PRTFDC1: variants seen among roughly 807,000 people sequenced by gnomAD.
The protein encoded by PRTFDC1 is phosphoribosyl transferase domain containing 1, also known as phosphoribosyltransferase domain-containing protein 1.
PRTFDC1 carries 38 observed loss-of-function variants against 34.6 expected under a neutral mutation model. The observed-to-expected ratio is 1.10, with a 90% CI of 0.85 to 1.44. PRTFDC1 has a LOEUF of 1.44. Ranked by LOEUF, PRTFDC1 falls within the 40% of genes most tolerant of loss-of-function variation. The pLI is 0.00. For synonymous variants in PRTFDC1, 93 were observed against 98.1 expected, an observed-to-expected ratio of 0.95 and a Z score of 0.31; for missense variants, 270 against 283.0, an observed-to-expected ratio of 0.95 and a Z score of 0.33.
At chr10:24,926,474 G>C (rs1848876598) in intron 3 of PRTFDC1, among the ~76,000 whole-genome samples, 1 of 152,032 alleles carries the variant, frequency 6.6e-6, no homozygotes, top group Non-Finnish European at 1.5e-5. Flanking sequence ...CCAGCCTCCT[G>C]AGTAGCTGGG....
chr10:24,874,752 C>T (rs1415972405), intron 3 of PRTFDC1, among the ~76,000 whole-genome samples: 1 of 151,958 alleles, frequency 6.6e-6, no homozygotes, highest in Admixed American at 6.6e-5. Context: ...TTTAATTGAC[C>T]AACAATTACT....
intron 4 of PRTFDC1, among the ~76,000 whole-genome samples, chr10:24,859,673 T>C (rs1402813590): frequency 6.6e-6 from 1 of 152,180 alleles, no homozygotes; most frequent in Non-Finnish European, 1.5e-5. Flanking sequence ...AATTACCCAG[T>C]CTCAGGTATT....
intron 3 of PRTFDC1, among the ~76,000 whole-genome samples, chr10:24,905,512 G>A (rs1444937570): frequency 2.0e-5 from 3 of 151,900 alleles, no homozygotes; most frequent in African/African-American, 7.3e-5. Context: ...AGTAGAGACA[G>A]GGTTTTGCCA....
chr10:24,867,804 T>TTA (rs1847808092), intron 4 of PRTFDC1: 1 of 87,272 alleles, frequency 1.1e-5, no homozygotes, highest in African/African-American at 6.3e-5. Flanking sequence ...GTAGGTTTAA[T>TTA]TTTTTTTTTT....
chr10:24,863,030 G>A lies in PRTFDC1; in HGVS notation c.406-4621C>T, dbSNP rs533293010. On this transcript the variant is annotated intron_variant, in intron 4 of 8. Coordinates refer to ENST00000320152, the MANE Select transcript of PRTFDC1 (RefSeq NM_020200.7). Reference sequence around the variant, plus strand: ...GTAGCTGGGATTACAGGTGCACGCCGGATGCCCAGCTAATTTTTTTGTATT... The same window carrying A: ...GTAGCTGGGATTACAGGTGCACGCCAGATGCCCAGCTAATTTTTTTGTATT... 1.4e-3 allele frequency among the ~76,000 whole-genome samples: 218 copies of A among 151,730 alleles called. 3 individuals carry two copies. The highest frequency in any genetic ancestry group is 2.7e-3 in the Non-Finnish European group (184 of 67,876).
intron 3 of PRTFDC1, among the ~76,000 whole-genome samples, chr10:24,905,468 C>T (rs538694577): frequency 5.3e-5 from 8 of 151,976 alleles, no homozygotes; most frequent in African/African-American, 4.8e-5. Context: ...ATTGCAGGCA[C>T]GTGCCACCAC....
At chr10:24,877,128 T>A (rs1847980157) in intron 3 of PRTFDC1, among the ~76,000 whole-genome samples, 1 of 152,152 alleles carries the variant, frequency 6.6e-6, no homozygotes, top group Non-Finnish European at 1.5e-5. Context: ...CCACAGGCAT[T>A]TTGATGTTCA....
chr10:24,929,831 C>A (rs1187284364), intron 3 of PRTFDC1, among the ~76,000 whole-genome samples: 1 of 152,158 alleles, frequency 6.6e-6, no homozygotes, highest in Admixed American at 6.5e-5. Flanking sequence ...TCCCTCAAAT[C>A]CTCCTGTTTT....
intron 3 of PRTFDC1, among the ~76,000 whole-genome samples, chr10:24,899,475 C>G (rs1848417938): frequency 6.6e-6 from 1 of 152,022 alleles, no homozygotes. Context: ...TTGAGTGGGA[C>G]CAAACAGAAT....
At chr10:24,903,786 C>T (rs1315446606) in intron 3 of PRTFDC1, among the ~76,000 whole-genome samples, 1 of 151,100 alleles carries the variant, frequency 6.6e-6, no homozygotes, top group Non-Finnish European at 1.5e-5. Context: ...GTGATCTTCT[C>T]TTCAGCCTCC....
At chr10:24,867,257 C>T (rs1405292916) in intron 4 of PRTFDC1, among the ~76,000 whole-genome samples, 1 of 152,152 alleles carries the variant, frequency 6.6e-6, no homozygotes, top group Non-Finnish European at 1.5e-5. Flanking sequence ...AGCCCTCCCT[C>T]CTTCATTTAA....
At chr10:24,929,631 G>C (rs1159455011) in intron 3 of PRTFDC1, among the ~76,000 whole-genome samples, 18 of 152,102 alleles carry the variant, frequency 1.2e-4, no homozygotes, top group Admixed American at 1.2e-3. Flanking sequence ...CCAAATTGGT[G>C]GGAAACAATG....
chr10:24,880,434 T>G (rs1848047624), intron 3 of PRTFDC1, among the ~76,000 whole-genome samples: 1 of 152,072 alleles, frequency 6.6e-6, no homozygotes, highest in South Asian at 2.1e-4. Context: ...GTTGTTGTAT[T>G]TTTAGTAGAG....
intron 4 of PRTFDC1, among the ~76,000 whole-genome samples, chr10:24,871,518 T>C (rs1847866534): frequency 6.6e-6 from 1 of 151,972 alleles, no homozygotes; most frequent in African/African-American, 2.4e-5. Flanking sequence ...TTGTTTTTAA[T>C]AGAAAAAAAG....
At chr10:24,856,051 T>C (rs1296783163) in intron 6 of PRTFDC1, among the ~76,000 whole-genome samples, 1 of 132,624 alleles carries the variant, frequency 7.5e-6, no homozygotes, top group Non-Finnish European at 1.5e-5. Flanking sequence ...GAGGGTGAAG[T>C]TGCAGTGAGC....
intron 3 of PRTFDC1, among the ~76,000 whole-genome samples, chr10:24,885,444 T>TG (rs1848149512): frequency 6.6e-6 from 1 of 152,232 alleles, no homozygotes. Flanking sequence ...CTTGCTCTGT[T>TG]GCCCAGGATG....
intron 3 of PRTFDC1, among the ~76,000 whole-genome samples, chr10:24,877,044 C>A (rs1847978495): frequency 6.6e-6 from 1 of 152,166 alleles, no homozygotes; most frequent in Admixed American, 6.5e-5. Context: ...CCTTACTCCA[C>A]CTTCTAAAAA....
rs145870263 is a variant in PRTFDC1, at chr10:24,937,268, G to A, written c.255C>T (p.Leu85=). The stretch of plus-strand genomic sequence containing the variant: ...GGCTGATGTTCTTAAGGTGTTCTAC[G>A]AGATCAGCACAGAATTTGTAACCTC... ...LKGGYKFCAD[L]VEHLKNISRN... The change falls in exon 3 of 9, where the codon CTC becomes CTT. Residue 85 remains leucine, a synonymous_variant. Transcript: ENST00000320152. The A allele has an allele frequency of 4.3e-5, 69 of 1,613,738 alleles. 1 individual carries two copies. In the African/African-American group the frequency reaches 7.2e-4, roughly 17 times the overall value.
intron 3 of PRTFDC1, among the ~76,000 whole-genome samples, chr10:24,919,429 T>C (rs1376873925): frequency 6.6e-6 from 1 of 152,220 alleles, no homozygotes; most frequent in Non-Finnish European, 1.5e-5. Flanking sequence ...TGGTTAGCCA[T>C]GTGCAGAAAA....
Sources: gnomAD v4.1 joint callset for allele counts (sites outside exome capture counted in the v4.1 genomes callset) on GRCh38, gnomAD v4.1.1 for gene constraint, MANE v1.5 for transcripts, NCBI Gene and HGNC (gene_info 2026-07-23, HGNC 2026-07-21) for gene names.